ANKRD36B: variants seen among roughly 807,000 people sequenced by gnomAD.
ANKRD36B encodes ankyrin repeat domain 36B, also known as ankyrin repeat domain-containing protein 36B.
A neutral mutation model predicts 135.7 loss-of-function variants in ANKRD36B; 37 were observed. The ratio of observed to expected loss-of-function variants is 0.27; its 90% CI spans 0.21 to 0.36. The LOEUF (loss-of-function observed/expected upper bound fraction) is 0.36. ANKRD36B is among the 10% of genes least tolerant of loss of function. The pLI is 1.00. For missense variants in ANKRD36B, 549 were observed against 1,037.1 expected (o/e 0.53, Z 6.46); for synonymous variants, 179 against 348.1 (o/e 0.51, Z 5.41).
intron 6 of ANKRD36B, among the ~76,000 whole-genome samples, chr2:97,561,573 G>C (rs559581913): frequency 6.6e-6 from 1 of 151,920 alleles, no homozygotes; most frequent in East Asian, 1.9e-4. Flanking sequence ...TACCAAATTT[G>C]ACATACTTTT....
At chr2:97,506,759 A>C (rs2077374247) in intron 43 of ANKRD36B, among the ~76,000 whole-genome samples, 1 of 91,552 alleles carries the variant, frequency 1.1e-5, no homozygotes, top group South Asian at 2.4e-4. Context: ...GATAGTCTAT[A>C]GGGGTGGCAG....
chr2:97,580,877 T>C (rs2082589201), intron 3 of ANKRD36B, among the ~76,000 whole-genome samples: 1 of 90,190 alleles, frequency 1.1e-5, no homozygotes, highest in South Asian at 4.7e-4. Flanking sequence ...GTTTCCCACC[T>C]GAACCAAGAG....
At chr2:97,552,013 G>A (rs2080113223) in intron 16 of ANKRD36B, among the ~76,000 whole-genome samples, 2 of 151,862 alleles carry the variant, frequency 1.3e-5, no homozygotes, top group African/African-American at 2.4e-5. Flanking sequence ...TAATCACCTT[G>A]GATATCTGGT....
In ANKRD36B at chr2:97,558,985, T is replaced by C. The variant is rs766718701; in HGVS notation, c.875A>G (p.Gln292Arg). 44 of 1,603,618 alleles carry C rather than the reference T, an allele frequency of 2.7e-5. No individual in the cohort carries two copies. The East Asian group carries it at 8.3e-4, about 30-fold the overall frequency. Residue 292 changes from glutamine to arginine, a missense_variant, in exon 9 of 44, where the codon CAG becomes CGG. Coordinates refer to ENST00000359901, the MANE Select transcript of ANKRD36B (RefSeq NM_001393939.1). ...AATTACCTTCTCAGCTGGTTGTTTCTGAGAAGACACTGAAAAGCAAAAGGG... is the reference window on the plus strand; with the variant it reads ...AATTACCTTCTCAGCTGGTTGTTTCCGAGAAGACACTGAAAAGCAAAAGGG... Reference protein sequence around the residue: ...EGPISGTVSSQKQPAEKATSD... With the variant: ...EGPISGTVSSRKQPAEKATSD...
Position 97,555,053 on chromosome 2 carries a change from A to G in ANKRD36B, c.1171+7T>C. 1.9e-6 allele frequency: 3 copies of G among 1,611,574 alleles called. No homozygotes were observed. The highest frequency in any genetic ancestry group is 1.1e-5 in the South Asian group (1 of 91,006). ...AACATGACATTAAATGTGTTTTGCA[A>G]AATTACCTGTCCCACATTGTAGTCC... On this transcript the variant is annotated splice_region_variant and intron_variant, in intron 14 of 43. Transcript: ENST00000359901.
At chr2:97,573,068 C>T (rs555864976) in intron 6 of ANKRD36B, among the ~76,000 whole-genome samples, 1 of 151,980 alleles carries the variant, frequency 6.6e-6, no homozygotes, top group South Asian at 2.1e-4. Flanking sequence ...CCCCACTCCC[C>T]CCACCCCACA....
At chr2:97,532,177 A>T in intron 35 of ANKRD36B, 134 bp downstream of exon 35, 1 of 469,482 alleles carries the variant, frequency 2.1e-6, no homozygotes, top group Non-Finnish European at 3.9e-6. Flanking sequence ...AAATGTTTTT[A>T]AAATGAAATA....
chr2:97,563,610 G>C (rs2081214097), intron 6 of ANKRD36B, among the ~76,000 whole-genome samples: 1 of 152,000 alleles, frequency 6.6e-6, no homozygotes, highest in African/African-American at 2.4e-5. Flanking sequence ...ATGAAGGGGA[G>C]CCAAGAGGAC....
chr2:97,567,822 A>G (rs535569806), intron 6 of ANKRD36B, among the ~76,000 whole-genome samples: 1 of 152,302 alleles, frequency 6.6e-6, no homozygotes, highest in South Asian at 2.1e-4. Context: ...TGTACCTAAC[A>G]TCCAACCAAC....
chr2:97,500,118 C>CTG (rs1312888884), intron 43 of ANKRD36B, among the ~76,000 whole-genome samples: 22 of 17,458 alleles, frequency 1.3e-3, no homozygotes, highest in East Asian at 0.011. Flanking sequence ...TCCTATCCAA[C>CTG]AGCAGAAGTG....
rs565689864 is a variant in ANKRD36B at position 97,532,724 on chromosome 2, CA to C, written c.2192-341del. 0.026 allele frequency among the ~76,000 whole-genome samples: 977 copies of C among 37,918 alleles called. 144 individuals are homozygous for C. The East Asian group carries it at 0.27, about 10-fold the overall frequency. 24.9% of individuals were successfully genotyped at this position (37,918 alleles called of 152,430 possible). Reference sequence around the variant, plus strand: ...TGGGTGGCAGAGCGAGACTGTGTCTCAAAAAAAAAAAAAAAAAGCCATATTC... The same window carrying C: ...TGGGTGGCAGAGCGAGACTGTGTCTCAAAAAAAAAAAAAAAAGCCATATTC... On this transcript the variant is annotated intron_variant, in intron 34 of 43. Transcript: ENST00000359901.
chr2:97,552,929 A>G (rs529546521), intron 16 of ANKRD36B, among the ~76,000 whole-genome samples: 6 of 151,764 alleles, frequency 4.0e-5, no homozygotes, highest in Non-Finnish European at 8.8e-5. Context: ...TCTCTCCAAT[A>G]TTTCTTCTTC....
chr2:97,538,803 G>A (rs2079014437), intron 30 of ANKRD36B, among the ~76,000 whole-genome samples: 1 of 96,980 alleles, frequency 1.0e-5, no homozygotes, highest in Non-Finnish European at 2.7e-5. Flanking sequence ...TCTTTAACTT[G>A]CCTGGTAATT....
chr2:97,546,128 T>C (rs985344196), intron 22 of ANKRD36B, among the ~76,000 whole-genome samples: 1 of 151,698 alleles, frequency 6.6e-6, no homozygotes, highest in Admixed American at 6.6e-5. Context: ...TCAATATCAA[T>C]GTCGATATGC....
intron 3 of ANKRD36B, among the ~76,000 whole-genome samples, chr2:97,581,554 A>G (rs1449746399): frequency 1.3e-5 from 2 of 151,772 alleles, no homozygotes; most frequent in Admixed American, 6.6e-5. Context: ...GTTATTCTCA[A>G]TTACAATCTT....
intron 1 of ANKRD36B, among the ~76,000 whole-genome samples, chr2:97,587,669 G>A (rs1409967511): frequency 5.3e-5 from 8 of 152,078 alleles, no homozygotes; most frequent in African/African-American, 9.7e-5. Flanking sequence ...TTAGTATAAC[G>A]GAATTGATGG....
intron 22 of ANKRD36B, among the ~76,000 whole-genome samples, chr2:97,546,740 G>T (rs11690658): frequency 0.56 from 84,407 of 151,510 alleles, 25,150 homozygotes; most frequent in Non-Finnish European, 0.67. Flanking sequence ...TGTTATTCTC[G>T]AAAGAAGTTT....
chr2:97,549,483 A>G lies in ANKRD36B; in HGVS notation c.1413T>C (p.Ser471=). 2 of 1,594,120 alleles carry G rather than the reference A, an allele frequency of 1.3e-6. No homozygotes were observed. The highest frequency in any genetic ancestry group is 2.2e-5 in the South Asian group (2 of 89,000). The change falls in exon 20 of 44, where the codon AGT becomes AGC. Residue 471 remains serine, a synonymous_variant. Transcript: ENST00000359901. ...SQKPPALKAT[S]VKEDSVLNIA... is the part of the protein sequence containing the mutation. The stretch of plus-strand genomic sequence containing the variant: ...TATTCAAAACAGAATCTTCCTTGAC[A>G]CTTGTAGCCTGAATGGAATTTGAAA...
At position 97,558,701 on chromosome 2, in the gene ANKRD36B, T is replaced by A. The variant is rs922530937; in HGVS notation, c.967+98A>T. The A allele has an allele frequency of 2.0e-6, 3 of 1,508,014 alleles. No individual in the cohort carries two copies. The African/African-American group carries it at 4.1e-5, about 21-fold the overall frequency. 93.4% of individuals were successfully genotyped at this position (1,508,014 alleles called of 1,614,324 possible). A position where few individuals can be genotyped will look rare whatever the true frequency, so the allele number is the denominator to read the frequency against. On this transcript the variant is annotated intron_variant, in intron 10 of 43. Coordinates refer to ENST00000359901, the MANE Select transcript of ANKRD36B (RefSeq NM_001393939.1). ...GAATCTCAGGCCTGCTGAATCAGAA[T>A]GTGCAGCTTCAATGAATCCCCCGCT...
Sources: allele counts gnomAD v4.1 joint callset (sites outside exome capture counted in the v4.1 genomes callset), GRCh38; gene constraint gnomAD v4.1.1; transcripts MANE v1.5; gene names NCBI Gene and HGNC (gene_info 2026-07-23, HGNC 2026-07-21).